The following ATG4C variants were observed in gnomAD, a reference collection of about 807,000 sequenced individuals.
ATG4C encodes the protein cysteine protease ATG4C.
ATG4C carries 56 observed loss-of-function variants against 57.6 expected under a neutral mutation model. The ratio of observed to expected loss-of-function variants is 0.97; its 90% CI spans 0.78 to 1.21. The LOEUF is 1.21. Ranked by LOEUF, ATG4C falls within the 50% of genes most tolerant of loss-of-function variation. The probability of loss-of-function intolerance (pLI) is 0.00; values close to 1 mark genes in which losing one functional copy is unlikely to be tolerated. For missense variants in ATG4C, 595 were observed against 529.8 expected (o/e 1.12, Z -1.21); for synonymous variants, 157 against 174.1 (o/e 0.90, Z 0.78).
At chr1:62,795,706 G>A (rs977644733) in intron 1 of ATG4C, among the ~76,000 whole-genome samples, 4 of 151,998 alleles carry the variant, frequency 2.6e-5, no homozygotes, top group South Asian at 2.1e-4. Context: ...ATGGATGCCC[G>A]TAGTCCCAGC....
At chr1:62,857,306 A>T (rs1256109391) in intron 10 of ATG4C, among the ~76,000 whole-genome samples, 1 of 152,054 alleles carries the variant, frequency 6.6e-6, no homozygotes, top group African/African-American at 2.4e-5. Context: ...GTCTCATAAG[A>T]GTGTGAACCC....
intron 10 of ATG4C, among the ~76,000 whole-genome samples, chr1:62,845,846 T>C (rs951160081): frequency 2.0e-5 from 3 of 151,930 alleles, no homozygotes; most frequent in Admixed American, 6.6e-5. Flanking sequence ...GGATTACAGG[T>C]GTGCACCACC....
At chr1:62,796,555 C>T (rs1664475721) in intron 1 of ATG4C, among the ~76,000 whole-genome samples, 1 of 152,108 alleles carries the variant, frequency 6.6e-6, no homozygotes, top group Non-Finnish European at 1.5e-5. Context: ...AATGTCTCAG[C>T]ATTTTAACTT....
intron 7 of ATG4C, among the ~76,000 whole-genome samples, chr1:62,832,933 A>C (rs1161174323): frequency 6.6e-6 from 1 of 152,178 alleles, no homozygotes; most frequent in East Asian, 1.9e-4. Flanking sequence ...GTGAGATTTC[A>C]CATATATAAA....
chr1:62,812,496 C>T (rs901452672), intron 3 of ATG4C, among the ~76,000 whole-genome samples: 5 of 152,122 alleles, frequency 3.3e-5, no homozygotes, highest in Admixed American at 1.3e-4. Context: ...CTATTTATGA[C>T]AAACCCATAT....
chr1:62,842,630 T>C (rs901755664), intron 10 of ATG4C, among the ~76,000 whole-genome samples: 1 of 152,192 alleles, frequency 6.6e-6, no homozygotes, highest in African/African-American at 2.4e-5. Context: ...AAGTTGAAAT[T>C]TTATTTTTAC....
chr1:62,806,373 T>G lies in ATG4C; in HGVS notation c.160+1118T>G, dbSNP rs557060473. ...TAAAGAGTTAGGTCATTTTTTTTTT[T>G]GGGCAGAGGACAACCACAGCAATAC... is the stretch of plus-strand genomic sequence containing the variant. On this transcript the variant is annotated intron_variant, in intron 3 of 10. Transcript: ENST00000317868. Among the ~76,000 whole-genome samples the G allele has an allele frequency of 3.0e-4, 46 of 152,106 alleles. No individual in the cohort carries two copies. The South Asian group carries it at 9.3e-3, about 31-fold the overall frequency.
intron 1 of ATG4C, among the ~76,000 whole-genome samples, chr1:62,793,597 G>GAAAAA (rs746057232): frequency 1.3e-3 from 26 of 20,482 alleles, no homozygotes; most frequent in Non-Finnish European, 1.5e-3. Context: ...ACCTTGTCTC[G>GAAAAA]AAAAAAAAAA....
At chr1:62,790,183 G>T (rs951783469) in intron 1 of ATG4C, among the ~76,000 whole-genome samples, 1 of 152,138 alleles carries the variant, frequency 6.6e-6, no homozygotes, top group Non-Finnish European at 1.5e-5. Flanking sequence ...CAAAGTGCTG[G>T]GATTACAGGC....
At chr1:62,809,508 A>C (rs1333292908) in intron 3 of ATG4C, among the ~76,000 whole-genome samples, 1 of 147,458 alleles carries the variant, frequency 6.8e-6, no homozygotes, top group Non-Finnish European at 1.5e-5. Context: ...TATATAGTCT[A>C]CAATTATAAT....
At chr1:62,812,748 A>G (rs978865728) in intron 3 of ATG4C, among the ~76,000 whole-genome samples, 2 of 152,220 alleles carry the variant, frequency 1.3e-5, no homozygotes, top group Admixed American at 1.3e-4. Context: ...AAATCTCCTT[A>G]TGCTGATAAG....
intron 9 of ATG4C, among the ~76,000 whole-genome samples, chr1:62,840,088 T>C (rs148221621): frequency 2.0e-3 from 297 of 152,270 alleles, no homozygotes; most frequent in African/African-American, 6.8e-3. Context: ...AAGTTAAAAA[T>C]CCCTTAGTTT....
At chr1:62,805,298 A>T in intron 3 of ATG4C, 43 bp downstream of exon 3, 2 of 1,466,726 alleles carry the variant, frequency 1.4e-6, no homozygotes, top group Non-Finnish European at 1.8e-6. Context: ...TTTTGTAGAA[A>T]TCATCATGTA....
chr1:62,819,319 G>A lies in ATG4C; in HGVS notation c.709G>A (p.Val237Ile), dbSNP rs1327977373. Reference protein sequence around the residue: ...KAGDWYGPAVVAHILRKAVEE... With the variant: ...KAGDWYGPAVIAHILRKAVEE... ...AGGAGATTGGTATGGACCAGCTGTG[G>A]TTGCTCACATTTTAAGGTAAAATTG... Residue 237 changes from valine (V) to isoleucine (I), a missense_variant, in exon 5 of 11, where the codon GTT (valine) becomes ATT (isoleucine). Physicochemically the swap from Val to Ile is conservative, Grantham distance 29. Transcript: ENST00000317868. The A allele has an allele frequency of 1.9e-6, 3 of 1,586,154 alleles. No homozygotes were observed. Among genetic ancestry groups the A allele is most frequent in the East Asian group, 2.2e-5 (1 of 44,684 alleles).
At chr1:62,820,897 T>A (rs1665460198) in intron 5 of ATG4C, among the ~76,000 whole-genome samples, 1 of 151,542 alleles carries the variant, frequency 6.6e-6, no homozygotes, top group Non-Finnish European at 1.5e-5. Flanking sequence ...ACCCAATAAT[T>A]TTTTTTAATG....
At chr1:62,793,043 C>G (rs1283025825) in intron 1 of ATG4C, among the ~76,000 whole-genome samples, 1 of 151,814 alleles carries the variant, frequency 6.6e-6, no homozygotes, top group Admixed American at 6.6e-5. Context: ...CCTGCCACCA[C>G]GCCCGGCTAA....
At chr1:62,862,569 C>T (rs1450927289) in intron 10 of ATG4C, among the ~76,000 whole-genome samples, 1 of 151,824 alleles carries the variant, frequency 6.6e-6, no homozygotes, top group Non-Finnish European at 1.5e-5. Context: ...CATTTTTGGT[C>T]TTCTCTCTTC....
Position 62,819,334 on chromosome 1 carries a change from A to G in ATG4C, c.724A>G (p.Arg242Gly). 2 of 1,572,522 alleles carry G rather than the reference A, an allele frequency of 1.3e-6. No individual in the cohort carries two copies. The highest frequency in any genetic ancestry group is 2.2e-5 in the East Asian group (1 of 44,538). The change falls in exon 5 of 11, where the codon AGA (arginine) becomes GGA (glycine). Residue 242 changes from arginine to glycine, a missense_variant and splice_region_variant. Transcript: ENST00000317868. ...ACCAGCTGTGGTTGCTCACATTTTA[A>G]GGTAAAATTGTTTTAAAATCTTTCT... ...YGPAVVAHIL[R>G]KAVEEARHPD... is the part of the protein sequence containing the mutation.
chr1:62,850,870 A>ATGTGTGTATGTG, intron 10 of ATG4C, among the ~76,000 whole-genome samples: 1 of 83,500 alleles, frequency 1.2e-5, no homozygotes, highest in Non-Finnish European at 2.6e-5. Flanking sequence ...ATATATATAT[A>ATGTGTGTATGTG]TATATATATA....
Sources: gnomAD v4.1 joint callset for allele counts (sites outside exome capture counted in the v4.1 genomes callset) on GRCh38, gnomAD v4.1.1 for gene constraint, MANE v1.5 for transcripts, NCBI Gene and HGNC (gene_info 2026-07-23, HGNC 2026-07-21) for gene names.